DOCK1: variants seen among roughly 807,000 people sequenced by gnomAD.
DOCK1 encodes dedicator of cytokinesis 1, also known as dedicator of cytokinesis protein 1.
In DOCK1, 138 loss-of-function variants were observed where a neutral mutation model predicts 262.7. The ratio of observed to expected loss-of-function variants is 0.53; its 90% confidence interval spans 0.46 to 0.61. The LOEUF is 0.61. Among genes scored for constraint, DOCK1 ranks in the 20% least tolerant of loss-of-function variants. The pLI is 0.00. For missense variants in DOCK1, 1,908 were observed against 2,370.7 expected (o/e 0.80, Z 4.05); for synonymous variants, 866 against 867.4 (o/e 1.00, Z 0.03).
intron 29 of DOCK1, among the ~76,000 whole-genome samples, chr10:127,308,732 A>C (rs1459114453): frequency 6.6e-6 from 1 of 152,168 alleles, no homozygotes; most frequent in Non-Finnish European, 1.5e-5. Flanking sequence ...GATGGCTTCC[A>C]GCTTCATCCA....
At chr10:127,205,719 C>A (rs575670104) in intron 27 of DOCK1, among the ~76,000 whole-genome samples, 1 of 152,100 alleles carries the variant, frequency 6.6e-6, no homozygotes, top group Admixed American at 6.5e-5. Flanking sequence ...GCTTAAATTG[C>A]GATTCATATG....
In DOCK1 at chr10:127,412,128, A is replaced by G. The variant is rs576170211; in HGVS notation, c.4428+1204A>G. On this transcript the variant is annotated intron_variant, in intron 43 of 51. Transcript: ENST00000623213. ...CAGGTGCCCGCCACTACGCCCGGCT[A>G]ATTTTTTGTATTTTTAGTAGAGACG... is the stretch of plus-strand genomic sequence containing the variant. Among the ~76,000 whole-genome samples, 307 of 151,610 alleles carry G rather than the reference A, an allele frequency of 2.0e-3. 1 individual carries two copies. The highest frequency in any genetic ancestry group is 7.1e-3 in the African/African-American group (292 of 41,370).
At chr10:127,335,459 G>A (rs879455344) in intron 29 of DOCK1, among the ~76,000 whole-genome samples, 28 of 152,072 alleles carry the variant, frequency 1.8e-4, no homozygotes, top group South Asian at 1.0e-3. Context: ...AACAGAAAGC[G>A]GATTGGTATG....
chr10:127,248,614 A>T (rs1477746250), intron 28 of DOCK1, among the ~76,000 whole-genome samples: 1 of 152,272 alleles, frequency 6.6e-6, no homozygotes, highest in Non-Finnish European at 1.5e-5. Flanking sequence ...TAGGAAAAGT[A>T]TAACAGAGGG....
At chr10:127,171,013 A>G (rs1589754867) in intron 27 of DOCK1, among the ~76,000 whole-genome samples, 1 of 152,224 alleles carries the variant, frequency 6.6e-6, no homozygotes, top group African/African-American at 2.4e-5. Flanking sequence ...AAATGCTCGT[A>G]ACAGGATATG....
chr10:127,409,523 C>A, intron 42 of DOCK1, 132 bp downstream of exon 42: 2 of 908,592 alleles, frequency 2.2e-6, no homozygotes, highest in East Asian at 5.1e-5. Context: ...TTTCTGTCCT[C>A]TTTGAAGAGC....
chr10:127,084,540 C>T (rs1215652287), intron 23 of DOCK1, among the ~76,000 whole-genome samples: 1 of 152,198 alleles, frequency 6.6e-6, no homozygotes. Context: ...GCACAATTGC[C>T]TGCCTGGGAA....
chr10:127,219,633 C>T (rs931065764), intron 27 of DOCK1, among the ~76,000 whole-genome samples: 4 of 151,946 alleles, frequency 2.6e-5, no homozygotes, highest in Admixed American at 6.6e-5. Flanking sequence ...ATAACAACAC[C>T]CCATTTCTCC....
Position 127,208,444 on chromosome 10 carries a change from G to A in DOCK1, c.2848-39564G>A, listed in dbSNP as rs111522784. Among the ~76,000 whole-genome samples, 1,151 of 152,256 alleles carry A rather than the reference G, an allele frequency of 7.6e-3. 5 individuals carry two copies. Among genetic ancestry groups the A allele is most frequent in the Middle Eastern group, 0.02 (6 of 294 alleles). ...TACTGGAGCTATTATGATGACTGATGTAATTTAGTTTCCTGTATTGATGGT... is the reference window on the plus strand; with the variant it reads ...TACTGGAGCTATTATGATGACTGATATAATTTAGTTTCCTGTATTGATGGT... On this transcript the variant is annotated intron_variant, in intron 27 of 51. Transcript: ENST00000623213.
At chr10:126,957,355 C>A (rs945283263) in intron 1 of DOCK1, among the ~76,000 whole-genome samples, 1 of 152,168 alleles carries the variant, frequency 6.6e-6, no homozygotes, top group Non-Finnish European at 1.5e-5. Context: ...CCTGAAGATG[C>A]CTTTGGCATG....
intron 27 of DOCK1, among the ~76,000 whole-genome samples, chr10:127,230,639 C>G (rs902641935): frequency 3.9e-5 from 6 of 152,176 alleles, no homozygotes; most frequent in Admixed American, 2.6e-4. Context: ...TTTTTATGGC[C>G]AGCACTATAT....
At chr10:127,378,747 A>G (rs1565041366) in intron 35 of DOCK1, among the ~76,000 whole-genome samples, 1 of 152,218 alleles carries the variant, frequency 6.6e-6, no homozygotes, top group Non-Finnish European at 1.5e-5. Flanking sequence ...GGCAACTTTG[A>G]GTTGGAAATG....
chr10:127,254,061 A>C (rs1253124841), intron 28 of DOCK1, among the ~76,000 whole-genome samples: 5 of 152,156 alleles, frequency 3.3e-5, no homozygotes, highest in African/African-American at 7.2e-5. Flanking sequence ...TCTGGGGACT[A>C]AAGACATTCT....
chr10:127,189,158 G>T (rs1224553111), intron 27 of DOCK1, among the ~76,000 whole-genome samples: 2 of 152,198 alleles, frequency 1.3e-5, no homozygotes, highest in Admixed American at 6.5e-5. Context: ...CCACCAGAAG[G>T]TTCCAACCTT....
At chr10:127,014,463 T>G (rs904871996) in intron 12 of DOCK1, among the ~76,000 whole-genome samples, 2 of 152,208 alleles carry the variant, frequency 1.3e-5, no homozygotes, top group Non-Finnish European at 1.5e-5. Context: ...GTTTATGTAT[T>G]AAGATATTTG....
intron 9 of DOCK1, 24 bp from the exon 10 acceptor site, chr10:127,000,148 A>G (rs1275123619): frequency 6.2e-7 from 1 of 1,611,982 alleles, no homozygotes; most frequent in Non-Finnish European, 8.5e-7. Context: ...CTCCAAAATA[A>G]TTTATGGAAA....
intron 29 of DOCK1, among the ~76,000 whole-genome samples, chr10:127,288,819 C>T (rs1198830277): frequency 6.7e-6 from 1 of 149,506 alleles, no homozygotes; most frequent in Non-Finnish European, 1.5e-5. Context: ...AAAATAGTTT[C>T]AGAATAACAA....
intron 6 of DOCK1, among the ~76,000 whole-genome samples, chr10:126,990,943 T>TG: frequency 6.6e-6 from 1 of 152,316 alleles, no homozygotes; most frequent in South Asian, 2.1e-4. Context: ...AGTCCAGATC[T>TG]GGGGGGCCTT....
intron 31 of DOCK1, among the ~76,000 whole-genome samples, chr10:127,345,371 C>T (rs576120566): frequency 3.3e-5 from 5 of 152,198 alleles, no homozygotes; most frequent in Non-Finnish European, 7.3e-5. Context: ...GTGACCGAGC[C>T]ACTTGGCCAG....
Sources: gnomAD v4.1 joint callset for allele counts (sites outside exome capture counted in the v4.1 genomes callset) on GRCh38, gnomAD v4.1.1 for gene constraint, MANE v1.5 for transcripts, NCBI Gene and HGNC (gene_info 2026-07-23, HGNC 2026-07-21) for gene names.